The following NAV3 variants were observed in gnomAD, a reference collection of about 807,000 sequenced individuals.
The protein encoded by NAV3 is pore membrane and/or filament interacting like protein 1.
NAV3 carries 87 observed loss-of-function variants against 244.7 expected under a neutral mutation model. The ratio of observed to expected loss-of-function variants is 0.36; its 90% CI spans 0.30 to 0.42. The LOEUF is 0.42. Among genes scored for constraint, NAV3 ranks in the 20% least tolerant of loss-of-function variants. The pLI is 1.00. For missense variants in NAV3, 2,663 were observed against 2,893.3 expected, an observed-to-expected ratio of 0.92 and a Z score of 1.83; for synonymous variants, 1,126 against 1,042.2, an observed-to-expected ratio of 1.08 and a Z score of -1.55.
chr12:78,145,595 T>C (rs561001852), intron 20 of NAV3, among the ~76,000 whole-genome samples: 4 of 152,180 alleles, frequency 2.6e-5, no homozygotes, highest in Non-Finnish European at 5.9e-5. Context: ...TAACTCATTT[T>C]CTGGCATTTT....
intron 2 of NAV3, among the ~76,000 whole-genome samples, chr12:77,668,824 A>T (rs968495249): frequency 6.6e-6 from 1 of 152,210 alleles, no homozygotes; most frequent in East Asian, 1.9e-4. Context: ...TTACAAAAAG[A>T]TCATTGCCTA....
At chr12:77,703,995 A>G (rs1238574081) in intron 2 of NAV3, among the ~76,000 whole-genome samples, 1 of 152,198 alleles carries the variant, frequency 6.6e-6, no homozygotes, top group Non-Finnish European at 1.5e-5. Context: ...TCTCACTTGT[A>G]ACGCTAGCGC....
chr12:78,147,612 G>GA (rs35483763), intron 21 of NAV3, among the ~76,000 whole-genome samples: 4,160 of 141,550 alleles, frequency 0.029, 120 homozygotes, highest in African/African-American at 0.082. Context: ...ATCTGTTCCG[G>GA]AAAAAAAAAA....
Position 77,998,493 on chromosome 12 carries a change from T to C in NAV3, c.880+17T>C, listed in dbSNP as rs1478449711. The stretch of plus-strand genomic sequence containing the variant: ...ACGAAAAAGGTAAGTGTTTGTTACA[T>C]CATTATGACACAAGTCCAACATGAG... On this transcript the variant is annotated intron_variant, in intron 7 of 39. Transcript: ENST00000397909. 6.3e-7 allele frequency: 1 copy of C among 1,587,772 alleles called. No individual in the cohort carries two copies. The highest frequency in any genetic ancestry group is 1.4e-5 in the African/African-American group (1 of 73,156).
intron 22 of NAV3, among the ~76,000 whole-genome samples, chr12:78,155,799 A>G (rs139649426): frequency 7.9e-5 from 12 of 151,766 alleles, no homozygotes; most frequent in African/African-American, 2.9e-4. Context: ...GTAAGTGTCT[A>G]TTCATATCCT....
chr12:77,665,019 C>A (rs548555951), intron 2 of NAV3, among the ~76,000 whole-genome samples: 9 of 152,244 alleles, frequency 5.9e-5, no homozygotes, highest in Non-Finnish European at 1.2e-4. Context: ...AGGTGCACAC[C>A]CCCTCGCCTG....
At chr12:77,587,582 G>A (rs1869674385) in intron 2 of NAV3, among the ~76,000 whole-genome samples, 2 of 152,102 alleles carry the variant, frequency 1.3e-5, no homozygotes, top group South Asian at 4.1e-4. Flanking sequence ...TCCAAGCAGT[G>A]TTCTTCAAAA....
chr12:77,604,938 G>A (rs1870604859), intron 2 of NAV3, among the ~76,000 whole-genome samples: 1 of 152,168 alleles, frequency 6.6e-6, no homozygotes, highest in Non-Finnish European at 1.5e-5. Flanking sequence ...CTGCAAAATG[G>A]TTTGCTTTAG....
intron 1 of NAV3, among the ~76,000 whole-genome samples, chr12:77,875,055 A>C (rs747531605): frequency 1.3e-4 from 20 of 152,120 alleles, no homozygotes; most frequent in Non-Finnish European, 2.5e-4. Flanking sequence ...CAAGACATTA[A>C]CTGCTATGAG....
upstream of NAV3, among the ~76,000 whole-genome samples, chr12:77,829,484 C>T (rs1214407598): frequency 6.6e-6 from 1 of 152,144 alleles, no homozygotes; most frequent in African/African-American, 2.4e-5. Context: ...TTACAAGTTG[C>T]ATATGTCTTA....
intron 2 of NAV3, among the ~76,000 whole-genome samples, chr12:77,586,959 T>C (rs1360520237): frequency 6.6e-6 from 1 of 152,070 alleles, no homozygotes; most frequent in African/African-American, 2.4e-5. Context: ...ACAAGAACAG[T>C]TATGGAGTGT....
chr12:77,822,771 C>T (rs545048683), intron 2 of NAV3, among the ~76,000 whole-genome samples: 26 of 152,086 alleles, frequency 1.7e-4, no homozygotes, highest in South Asian at 1.0e-3. Flanking sequence ...CTTGTTAGTA[C>T]GAGTCATTTA....
intron 2 of NAV3, among the ~76,000 whole-genome samples, chr12:77,639,642 AG>A (rs1872310247): frequency 6.6e-6 from 1 of 152,176 alleles, no homozygotes; most frequent in Admixed American, 6.6e-5. Context: ...GAGGGTGCTC[AG>A]TGTTGGCTAT....
At chr12:78,120,815 G>T (rs941586850) in intron 15 of NAV3, among the ~76,000 whole-genome samples, 2 of 152,116 alleles carry the variant, frequency 1.3e-5, no homozygotes, top group African/African-American at 4.8e-5. Context: ...TTTAATGTTT[G>T]TTTTTATTCT....
At chr12:77,900,021 C>G (rs1885082812) in intron 1 of NAV3, among the ~76,000 whole-genome samples, 1 of 151,688 alleles carries the variant, frequency 6.6e-6, no homozygotes, top group Non-Finnish European at 1.5e-5. Context: ...TTTTTCATCT[C>G]TTGCCCCTGT....
chr12:78,141,827 C>A (rs1475674851), intron 20 of NAV3, among the ~76,000 whole-genome samples: 1 of 152,000 alleles, frequency 6.6e-6, no homozygotes, highest in African/African-American at 2.4e-5. Flanking sequence ...GCCAGCACTG[C>A]CATTTGTTGG....
At chr12:77,701,760 T>C (rs553406623) in intron 2 of NAV3, among the ~76,000 whole-genome samples, 50 of 152,182 alleles carry the variant, frequency 3.3e-4, no homozygotes, top group Admixed American at 1.5e-3. Flanking sequence ...TAGTAGCATG[T>C]TCATTCCAAA....
intron 2 of NAV3, among the ~76,000 whole-genome samples, chr12:77,673,413 A>C (rs1458260987): frequency 1.3e-5 from 2 of 152,294 alleles, no homozygotes; most frequent in African/African-American, 4.8e-5. Flanking sequence ...AAACATTAAT[A>C]AAAACTAGTA....
At position 78,197,259 on chromosome 12, in the gene NAV3, T is replaced by C; in HGVS notation, c.6304T>C (p.Tyr2102His). The C allele has an allele frequency of 6.4e-7, 1 of 1,551,794 alleles. No individual in the cohort carries two copies. The highest frequency in any genetic ancestry group is 8.7e-7 in the Non-Finnish European group (1 of 1,148,868). The change falls in exon 35 of 40, where the codon TAT becomes CAT. Residue 2102 changes from tyrosine to histidine, a missense_variant. Physicochemically the swap from Tyr to His is moderately conservative, Grantham distance 83. This residue lies in a region of NAV3 where 543 missense variants were observed against 672.4 expected (regional missense o/e 0.81). Transcript: ENST00000397909. ...DHKSSKELQQ[Y>H]LANLAEQCSA... ...CATTTTTTAAAAGGAATTGCAACAA[T>C]ATCTAGCTAACCTGGCTGAACAGTG... is the stretch of plus-strand genomic sequence containing the variant.
Sources: allele counts gnomAD v4.1 joint callset (sites outside exome capture counted in the v4.1 genomes callset), GRCh38; gene constraint gnomAD v4.1.1; regional missense constraint gnomAD v4.1.1; transcripts MANE v1.5; gene names NCBI Gene and HGNC (gene_info 2026-07-23, HGNC 2026-07-21).